Variants in ALDH8A1 observed in about 807,000 individuals in gnomAD.
The protein encoded by ALDH8A1 is 2-aminomuconic semialdehyde dehydrogenase.
ALDH8A1 carries 39 observed loss-of-function variants against 43.3 expected under a neutral mutation model. The ratio of observed to expected loss-of-function variants is 0.90; its 90% confidence interval spans 0.70 to 1.18. The LOEUF (loss-of-function observed/expected upper bound fraction) is 1.18, where lower values mean the gene tolerates loss of function less well. Ranked by LOEUF, ALDH8A1 falls within the 50% of genes most tolerant of loss-of-function variation. The pLI, the probability that ALDH8A1 is intolerant of heterozygous loss-of-function variation, is 0.00. For synonymous variants in ALDH8A1, 233 were observed against 243.5 expected (o/e 0.96, Z 0.40); for missense variants, 605 against 622.6 (o/e 0.97, Z 0.30).
chr6:134,943,820 T>G lies in ALDH8A1; in HGVS notation c.285A>C (p.Gln95His). The change falls in exon 2 of 7, where the codon CAA becomes CAC. Residue 95 changes from glutamine (Q) to histidine (H), a missense_variant and splice_region_variant. Coordinates refer to ENST00000265605, the MANE Select transcript of ALDH8A1 (RefSeq NM_022568.4). ...EEFAQAESKD[Q>H]GKTLALARTM... is the part of the protein sequence containing the mutation. Reference sequence around the variant, plus strand: ...TTACAGTTAAGAGGCAACTCTCACCTTGGTCTTTAGACTCGGCCTGGGCAA... The same window carrying G: ...TTACAGTTAAGAGGCAACTCTCACCGTGGTCTTTAGACTCGGCCTGGGCAA... 1.2e-6 allele frequency: 2 copies of G among 1,613,990 alleles called. No homozygotes were observed. Among genetic ancestry groups the G allele is most frequent in the Non-Finnish European group, 1.7e-6 (2 of 1,179,958 alleles).
rs989303043 is a variant in ALDH8A1, at chr6:134,933,580, A to G, written c.593-548T>C. Among the ~76,000 whole-genome samples the G allele has an allele frequency of 8.5e-5, 13 of 152,344 alleles. 1 individual carries two copies. Among genetic ancestry groups the G allele is most frequent in the Admixed American group, 2.0e-4 (3 of 15,304 alleles). Reference sequence around the variant, plus strand: ...CCACCATGCTTATAAATAGCATCATAACACTGTAGTGCCAACTTACAAGTA... The same window carrying G: ...CCACCATGCTTATAAATAGCATCATGACACTGTAGTGCCAACTTACAAGTA... On this transcript the variant is annotated intron_variant, in intron 4 of 6. Coordinates refer to ENST00000265605, the MANE Select transcript of ALDH8A1 (RefSeq NM_022568.4).
At chr6:134,935,857 C>T (rs1286463937) in intron 4 of ALDH8A1, among the ~76,000 whole-genome samples, 1 of 152,186 alleles carries the variant, frequency 6.6e-6, no homozygotes, top group African/African-American at 2.4e-5. Context: ...GGCCCAATCA[C>T]CTTGAAGCTA....
At chr6:134,944,125 T>C in intron 1 of ALDH8A1, 159 bp from the exon 2 acceptor site, 2 of 1,045,722 alleles carry the variant, frequency 1.9e-6, no homozygotes, top group Non-Finnish European at 2.6e-6. Flanking sequence ...TGGAGGGCAG[T>C]GGCGCAATTT....
chr6:134,920,897 G>A (rs1483720827), intron 6 of ALDH8A1, among the ~76,000 whole-genome samples: 1 of 152,196 alleles, frequency 6.6e-6, no homozygotes, highest in Non-Finnish European at 1.5e-5. Context: ...GAGCCAAGCT[G>A]TATTCAAATC....
chr6:134,933,778 G>A (rs1013862367), intron 4 of ALDH8A1, among the ~76,000 whole-genome samples: 3 of 152,030 alleles, frequency 2.0e-5, no homozygotes, highest in African/African-American at 7.2e-5. Context: ...GCACCATCTC[G>A]GCTCACTGCA....
intron 1 of ALDH8A1, 79 bp downstream of exon 1, chr6:134,949,837 T>C: frequency 6.9e-7 from 1 of 1,446,054 alleles, no homozygotes; most frequent in Non-Finnish European, 9.2e-7. Context: ...CCCAACTCCC[T>C]CTGCTTTTAG....
At chr6:134,929,612 T>C (rs1333703896) in intron 5 of ALDH8A1, among the ~76,000 whole-genome samples, 1 of 152,020 alleles carries the variant, frequency 6.6e-6, no homozygotes, top group Non-Finnish European at 1.5e-5. Context: ...GGTGGGGAAT[T>C]AATTCTTCAA....
chr6:134,934,147 T>C (rs1773686197), intron 4 of ALDH8A1, among the ~76,000 whole-genome samples: 1 of 152,108 alleles, frequency 6.6e-6, no homozygotes. Context: ...CATTGAGAAA[T>C]AAAAATAAAA....
intron 3 of ALDH8A1, among the ~76,000 whole-genome samples, chr6:134,941,107 G>A (rs1473734153): frequency 1.1e-4 from 17 of 152,222 alleles, no homozygotes; most frequent in Non-Finnish European, 2.5e-4. Context: ...AGGAATGCAT[G>A]AAGTAAGATA....
At chr6:134,934,033 C>T (rs1417201770) in intron 4 of ALDH8A1, among the ~76,000 whole-genome samples, 1 of 152,210 alleles carries the variant, frequency 6.6e-6, no homozygotes, top group Non-Finnish European at 1.5e-5. Flanking sequence ...TCTGGACTTA[C>T]TTGTTCATTG....
At chr6:134,933,208 C>CA (rs1773655108) in intron 4 of ALDH8A1, among the ~76,000 whole-genome samples, 176 bp from the exon 5 acceptor site, 1 of 152,200 alleles carries the variant, frequency 6.6e-6, no homozygotes, top group Non-Finnish European at 1.5e-5. Flanking sequence ...AATAGCAAAG[C>CA]AAAAACCACA....
chr6:134,918,209 A>G lies in ALDH8A1; in HGVS notation c.*206T>C, dbSNP rs1776737720. On this transcript the variant is annotated 3_prime_UTR_variant, in exon 7 of 7. Coordinates refer to ENST00000265605, the MANE Select transcript of ALDH8A1 (RefSeq NM_022568.4). ...ATCATTGTTCTATCTTCCTACTTAT[A>G]AGTCTTTTTTTCCGAGTCCACATTG... 2 of 572,866 alleles carry G rather than the reference A, an allele frequency of 3.5e-6. No individual in the cohort carries two copies. The highest frequency in any genetic ancestry group is 2.5e-5 in the South Asian group (1 of 40,362). The allele number at this position is 572,866 out of a possible 1,614,324, so 35.5% of individuals were successfully genotyped here.
At position 134,935,991 on chromosome 6, in the gene ALDH8A1, A is replaced by C. The variant is rs1229755095; in HGVS notation, c.593-2959T>G. ...TTTTGAGATGGAGTCTCGCTCTGTC[A>C]CCCAGGCTGGAGTGCAAAGGCGCAA... is the stretch of plus-strand genomic sequence containing the variant. On this transcript the variant is annotated intron_variant, in intron 4 of 6. Coordinates refer to ENST00000265605, the MANE Select transcript of ALDH8A1 (RefSeq NM_022568.4). Among the ~76,000 whole-genome samples, 19 of 147,390 alleles carry C rather than the reference A, an allele frequency of 1.3e-4. No homozygotes were observed. In the Admixed American group the frequency reaches 1.3e-3, roughly 10 times the overall value.
intron 6 of ALDH8A1, among the ~76,000 whole-genome samples, chr6:134,923,302 T>G (rs1478305828): frequency 6.6e-6 from 1 of 151,746 alleles, no homozygotes; most frequent in East Asian, 1.9e-4. Flanking sequence ...AGTGCTAGGA[T>G]TACAGGCATG....
Position 134,918,259 on chromosome 6 carries a change from GTGGGTA to G in ALDH8A1, c.*150_*155del. 1 of 680,380 alleles carries G rather than the reference GTGGGTA, an allele frequency of 1.5e-6. No individual in the cohort carries two copies. Among genetic ancestry groups the G allele is most frequent in the Non-Finnish European group, 2.5e-6 (1 of 404,990 alleles). 42.1% of individuals were successfully genotyped at this position (680,380 alleles called of 1,614,324 possible). A position where few individuals can be genotyped will look rare whatever the true frequency, so the allele number is the denominator to read the frequency against. On this transcript the variant is annotated 3_prime_UTR_variant, in exon 7 of 7. Transcript: ENST00000265605. ...GAAAATAGACAGTATCTCTTCACTA[GTGGGTA>G]AAGTTACTAAGAACTGAGGATAAGC...
intron 6 of ALDH8A1, among the ~76,000 whole-genome samples, chr6:134,922,964 G>A (rs187847432): frequency 6.6e-6 from 1 of 152,122 alleles, no homozygotes; most frequent in Non-Finnish European, 1.5e-5. Context: ...TGGGTGAGTG[G>A]TTATAAAAAC....
chr6:134,936,503 A>G (rs1432158236), intron 4 of ALDH8A1, among the ~76,000 whole-genome samples: 1 of 152,176 alleles, frequency 6.6e-6, no homozygotes, highest in African/African-American at 2.4e-5. Flanking sequence ...GTGATGGGGC[A>G]TGCATGTGGG....
rs185119184 is a variant in ALDH8A1 at position 134,939,023 on chromosome 6, C to T, written c.592+243G>A. 3.8e-3 allele frequency among the ~76,000 whole-genome samples: 574 copies of T among 152,248 alleles called. 1 individual carries two copies. The highest frequency in any genetic ancestry group is 6.9e-3 in the Non-Finnish European group (469 of 68,024). On this transcript the variant is annotated intron_variant, in intron 4 of 6. Transcript: ENST00000265605. ...GATGGGGCTGTTTAAGTCTGCGTCA[C>T]TATTGTGCTGCCAGTCGCCCACCCT...
chr6:134,936,152 C>T (rs150177623), intron 4 of ALDH8A1, among the ~76,000 whole-genome samples: 60 of 152,300 alleles, frequency 3.9e-4, no homozygotes, highest in Middle Eastern at 3.4e-3. Context: ...GATTTCACCA[C>T]GTTAGCCAGG....
Sources: allele counts gnomAD v4.1 joint callset (sites outside exome capture counted in the v4.1 genomes callset), GRCh38; gene constraint gnomAD v4.1.1; transcripts MANE v1.5; gene names NCBI Gene and HGNC (gene_info 2026-07-23, HGNC 2026-07-21).